Variants in VAC14 observed in about 807,000 individuals in gnomAD.
VAC14 encodes VAC14 component of PIKFYVE complex.
VAC14 carries 47 observed loss-of-function variants against 85.3 expected under a neutral mutation model. That is an observed-to-expected ratio of 0.55 (90% CI 0.44 to 0.70). VAC14 has a LOEUF of 0.70. Among genes scored for constraint, VAC14 ranks in the 30% least tolerant of loss-of-function variants. VAC14 has a pLI of 0.00. For synonymous variants in VAC14, 447 were observed against 430.5 expected (o/e 1.04, Z -0.47); for missense variants, 861 against 1,004.3 (o/e 0.86, Z 1.93).
chr16:70,725,837 G>C (rs1313132466), intron 14 of VAC14, among the ~76,000 whole-genome samples: 1 of 152,206 alleles, frequency 6.6e-6, no homozygotes, highest in East Asian at 1.9e-4. Flanking sequence ...AGGTGGCTCG[G>C]ACCTCATCTA....
chr16:70,781,459 C>T (rs1034397861), intron 8 of VAC14, among the ~76,000 whole-genome samples: 6 of 152,202 alleles, frequency 3.9e-5, no homozygotes, highest in Admixed American at 6.5e-5. Flanking sequence ...CTCAGGGCTA[C>T]GTTAGGCAGA....
chr16:70,761,023 G>GTGTGTGTGTGTGTGCGCGCGC (rs1567577760), intron 12 of VAC14: 1 of 250,408 alleles, frequency 4.0e-6, no homozygotes, highest in African/African-American at 6.2e-5. Flanking sequence ...GTGTGTGCAT[G>GTGTGTGTGTGTGTGCGCGCGC]GGGGGGCGGG....
At chr16:70,724,505 C>G (rs768629199) in intron 14 of VAC14, among the ~76,000 whole-genome samples, 1 of 152,222 alleles carries the variant, frequency 6.6e-6, no homozygotes, top group East Asian at 1.9e-4. Context: ...GGGAAGGCAG[C>G]ACTCTTTTTC....
chr16:70,712,503 G>C (rs993555820), intron 14 of VAC14, among the ~76,000 whole-genome samples: 1 of 152,226 alleles, frequency 6.6e-6, no homozygotes, highest in Admixed American at 6.5e-5. Flanking sequence ...TGGGAGCGTA[G>C]AGGCAGTGTC....
Position 70,783,093 on chromosome 16 carries a change from G to A in VAC14, c.751C>T (p.Pro251Ser). ...GEFLKEIKKNPSSVKFAEMAN... is the reference protein window; with the variant it reads ...GEFLKEIKKNSSSVKFAEMAN... ...ATCTCAGCAAACTTCACACTGGAGGGGTTCTTCTTAATTTCTTTTAAGAAT... is the reference window on the plus strand; with the variant it reads ...ATCTCAGCAAACTTCACACTGGAGGAGTTCTTCTTAATTTCTTTTAAGAAT... The change falls in exon 7 of 19, where the codon CCC becomes TCC. Residue 251 changes from proline to serine, a missense_variant. Around this residue, in one of 3 missense-constraint regions of VAC14, gnomAD observed 629 missense variants for 703.1 expected, o/e 0.89. Transcript: ENST00000261776. 6.2e-7 allele frequency: 1 copy of A among 1,614,094 alleles called. No individual in the cohort carries two copies. The highest frequency in any genetic ancestry group is 1.1e-5 in the South Asian group (1 of 91,072).
intron 13 of VAC14, among the ~76,000 whole-genome samples, chr16:70,732,327 T>G (rs957514147): frequency 1.3e-5 from 2 of 152,200 alleles, no homozygotes; most frequent in Admixed American, 6.5e-5. Context: ...CTGAAAACTT[T>G]CAAAGCCTGA....
chr16:70,700,840 C>T (rs561027313), intron 14 of VAC14, among the ~76,000 whole-genome samples: 3 of 152,202 alleles, frequency 2.0e-5, no homozygotes, highest in Non-Finnish European at 2.9e-5. Context: ...CAGCTGGTGC[C>T]GTCTCCATGA....
At chr16:70,748,554 T>C (rs891718461) in intron 12 of VAC14, among the ~76,000 whole-genome samples, 48 of 152,186 alleles carry the variant, frequency 3.2e-4, no homozygotes, top group Non-Finnish European at 3.8e-4. Context: ...TCCAGGAAAC[T>C]AGGCTTTGGG....
chr16:70,795,975 C>T (rs1024789092), intron 1 of VAC14, among the ~76,000 whole-genome samples: 1 of 152,182 alleles, frequency 6.6e-6, no homozygotes, highest in Admixed American at 6.5e-5. Flanking sequence ...GCATTTCTCC[C>T]CCACATTAGA....
chr16:70,691,619 A>G lies in VAC14; in HGVS notation c.2186+1202T>C, dbSNP rs917487880. The G allele has an allele frequency of 3.0e-6, 3 of 985,336 alleles. No homozygotes were observed. The Admixed American group carries it at 1.8e-4, about 61-fold the overall frequency. The allele number at this position is 985,336 out of a possible 1,614,324, so 61.0% of individuals were successfully genotyped here. Reference sequence around the variant, plus strand: ...AGCACCCTGAGCAGCTGGGGTGGCAACCGGCTCAAGGCCTAGTCCTGCCAC... The same window carrying G: ...AGCACCCTGAGCAGCTGGGGTGGCAGCCGGCTCAAGGCCTAGTCCTGCCAC... On this transcript the variant is annotated intron_variant, in intron 18 of 18. Transcript: ENST00000261776.
chr16:70,771,819 G>A (rs902598413), intron 10 of VAC14: 5 of 335,084 alleles, frequency 1.5e-5, no homozygotes, highest in Non-Finnish European at 2.8e-5. Flanking sequence ...GAGCTCAAGC[G>A]ATGTGCCTGC....
At chr16:70,790,978 C>G (rs1485682390) in intron 1 of VAC14, among the ~76,000 whole-genome samples, 1 of 152,230 alleles carries the variant, frequency 6.6e-6, no homozygotes, top group African/African-American at 2.4e-5. Flanking sequence ...TGGGGTCAAC[C>G]CCTGGGCCAC....
At chr16:70,708,967 C>T (rs1187625207) in intron 14 of VAC14, among the ~76,000 whole-genome samples, 2 of 152,210 alleles carry the variant, frequency 1.3e-5, no homozygotes, top group Non-Finnish European at 2.9e-5. Flanking sequence ...ATCCTGTTGT[C>T]TCCATGATAA....
intron 12 of VAC14, chr16:70,755,238 AG>A: frequency 2.9e-6 from 1 of 341,616 alleles, no homozygotes; most frequent in South Asian, 2.1e-5. Context: ...GAGGGGGGCT[AG>A]GGGCCACCAG....
intron 1 of VAC14, 24 bp downstream of exon 1, chr16:70,800,773 G>T (rs778182762): frequency 1.2e-5 from 19 of 1,601,362 alleles, no homozygotes; most frequent in Non-Finnish European, 1.5e-5. Flanking sequence ...TGCATAGCCA[G>T]GGAGGGGTCC....
At chr16:70,773,913 G>T in intron 9 of VAC14, among the ~76,000 whole-genome samples, 1 of 151,766 alleles carries the variant, frequency 6.6e-6, no homozygotes, top group African/African-American at 2.4e-5. Context: ...CTATAGGCAC[G>T]TACCATTAAG....
At chr16:70,761,574 C>A (rs964604756) in intron 12 of VAC14, among the ~76,000 whole-genome samples, 6 of 152,198 alleles carry the variant, frequency 3.9e-5, no homozygotes, top group Non-Finnish European at 7.3e-5. Flanking sequence ...ATGGGCATGG[C>A]TGAGAATGGA....
chr16:70,707,725 C>T (rs1007292145), intron 14 of VAC14, among the ~76,000 whole-genome samples: 3 of 151,954 alleles, frequency 2.0e-5, no homozygotes, highest in African/African-American at 4.8e-5. Flanking sequence ...CTTGCTGCCA[C>T]GGGAGGGGCT....
chr16:70,698,832 G>A (rs376098098), intron 14 of VAC14, 21 bp from the exon 15 acceptor site: 16 of 1,612,378 alleles, frequency 9.9e-6, no homozygotes, highest in African/African-American at 1.3e-5. Flanking sequence ...GGCAGACTGG[G>A]GTCAGGGCGC....
Sources: gnomAD v4.1 joint callset for allele counts (sites outside exome capture counted in the v4.1 genomes callset) on GRCh38, gnomAD v4.1.1 for gene constraint, gnomAD v4.1.1 regional missense constraint, MANE v1.5 for transcripts, NCBI Gene and HGNC (gene_info 2026-07-23, HGNC 2026-07-21) for gene names.